Variants in RAB10 observed in about 807,000 individuals in gnomAD.
RAB10 encodes ras-related protein Rab-10.
In RAB10, 5 loss-of-function variants were observed where a neutral mutation model predicts 25.7. The observed-to-expected ratio is 0.19, with a 90% confidence interval of 0.10 to 0.41. The LOEUF (loss-of-function observed/expected upper bound fraction) is 0.41, where lower values mean the gene tolerates loss of function less well. Among genes scored for constraint, RAB10 ranks in the 10% least tolerant of loss-of-function variants. RAB10 has a pLI of 1.00. For missense variants in RAB10, 103 were observed against 245.8 expected, an observed-to-expected ratio of 0.42 and a Z score of 3.89; for synonymous variants, 89 against 86.4, an observed-to-expected ratio of 1.03 and a Z score of -0.16.
At chr2:26,061,943 T>A (rs957940833) in intron 1 of RAB10, among the ~76,000 whole-genome samples, 1 of 152,040 alleles carries the variant, frequency 6.6e-6, no homozygotes, top group African/African-American at 2.4e-5. Flanking sequence ...AGGCTAAACA[T>A]CATATGCTTT....
Position 26,034,239 on chromosome 2 carries a change from GGA to G in RAB10, c.-363_-362del, listed in dbSNP as rs745876590. ...CGTGCTAGCAGGGAGTTTCCGCTCG[GGA>G]GAGAGACTGTCCTCACGCCCGCTGC... On this transcript the variant is annotated 5_prime_UTR_variant, in exon 1 of 6. Coordinates refer to ENST00000264710, the MANE Select transcript of RAB10 (RefSeq NM_016131.5). 190 of 468,692 alleles carry G rather than the reference GGA, an allele frequency of 4.1e-4. No individual in the cohort carries two copies. The highest frequency in any genetic ancestry group is 6.6e-4 in the Non-Finnish European group (175 of 264,078). The allele number at this position is 468,692 out of a possible 1,614,324, so 29.0% of individuals were successfully genotyped here.
chr2:26,075,535 G>T (rs929191585), intron 1 of RAB10, among the ~76,000 whole-genome samples: 2 of 151,972 alleles, frequency 1.3e-5, no homozygotes, highest in African/African-American at 4.8e-5. Flanking sequence ...TTGCTTGAAA[G>T]GTTTTACAAA....
At chr2:26,081,996 A>G (rs1042456495) in intron 1 of RAB10, among the ~76,000 whole-genome samples, 5 of 152,190 alleles carry the variant, frequency 3.3e-5, no homozygotes, top group Non-Finnish European at 7.4e-5. Flanking sequence ...CGAAACTTAC[A>G]CAAAAGGAAT....
chr2:26,129,979 A>T (rs1442271018), intron 5 of RAB10, among the ~76,000 whole-genome samples: 1 of 152,202 alleles, frequency 6.6e-6, no homozygotes, highest in Non-Finnish European at 1.5e-5. Flanking sequence ...ACGCAGATAC[A>T]TTTTGTTATT....
At chr2:26,084,495 T>TATGTTTTGGTACATGGTACACC (rs909777471) in intron 1 of RAB10, among the ~76,000 whole-genome samples, 3 of 152,208 alleles carry the variant, frequency 2.0e-5, no homozygotes, top group East Asian at 1.9e-4. Context: ...CCTAGTGTAT[T>TATGTTTTGGTACATGGTACACC]ATGTTTTGGT....
intron 1 of RAB10, among the ~76,000 whole-genome samples, chr2:26,093,656 G>A (rs1352300628): frequency 6.6e-6 from 1 of 152,136 alleles, no homozygotes; most frequent in Non-Finnish European, 1.5e-5. Context: ...ATGAGGAGAG[G>A]ATTTACGAAG....
At chr2:26,081,219 C>T (rs755838174) in intron 1 of RAB10, among the ~76,000 whole-genome samples, 7 of 152,172 alleles carry the variant, frequency 4.6e-5, no homozygotes, top group Non-Finnish European at 1.0e-4. Flanking sequence ...GTCCATTAAA[C>T]CTCTTTCAAT....
At chr2:26,053,260 T>G (rs1321797052) in intron 1 of RAB10, among the ~76,000 whole-genome samples, 2 of 152,210 alleles carry the variant, frequency 1.3e-5, no homozygotes, top group Non-Finnish European at 2.9e-5. Flanking sequence ...AATAATGAGA[T>G]TTTTGTTCTT....
intron 1 of RAB10, among the ~76,000 whole-genome samples, chr2:26,083,157 A>G (rs1266805931): frequency 7.2e-5 from 11 of 152,178 alleles, no homozygotes; most frequent in Admixed American, 7.2e-4. Flanking sequence ...ATAAAGAACA[A>G]CAGTATATTA....
At chr2:26,068,719 C>T (rs1168124920) in intron 1 of RAB10, among the ~76,000 whole-genome samples, 1 of 152,178 alleles carries the variant, frequency 6.6e-6, no homozygotes, top group Non-Finnish European at 1.5e-5. Context: ...GTGTGCTTAA[C>T]TTTAATTGTG....
chr2:26,047,972 G>A (rs914284279), intron 1 of RAB10, among the ~76,000 whole-genome samples: 10 of 149,662 alleles, frequency 6.7e-5, no homozygotes, highest in Non-Finnish European at 1.3e-4. Flanking sequence ...GTGATCTGCC[G>A]GCCTCGGCCT....
At chr2:26,121,771 G>T (rs1213053133) in intron 3 of RAB10, among the ~76,000 whole-genome samples, 2 of 152,158 alleles carry the variant, frequency 1.3e-5, no homozygotes, top group African/African-American at 4.8e-5. Flanking sequence ...TAACAGAGAT[G>T]CAGTATTAAA....
chr2:26,121,350 T>C (rs890875523), intron 3 of RAB10, among the ~76,000 whole-genome samples: 3 of 151,960 alleles, frequency 2.0e-5, no homozygotes, highest in African/African-American at 7.3e-5. Flanking sequence ...CACTTACACA[T>C]GGATATTTTT....
intron 1 of RAB10, among the ~76,000 whole-genome samples, chr2:26,088,066 G>A (rs190990316): frequency 6.6e-6 from 1 of 152,280 alleles, no homozygotes; most frequent in Admixed American, 6.5e-5. Flanking sequence ...CCAGGTAGGT[G>A]GAAAACACTT....
chr2:26,117,628 A>C (rs1015814523), intron 3 of RAB10, among the ~76,000 whole-genome samples: 17 of 146,676 alleles, frequency 1.2e-4, no homozygotes, highest in African/African-American at 3.3e-4. Context: ...TCAAAAAAAA[A>C]AAAAAAACAA....
intron 1 of RAB10, among the ~76,000 whole-genome samples, chr2:26,095,376 G>C (rs1403128488): frequency 6.6e-6 from 1 of 152,168 alleles, no homozygotes; most frequent in Non-Finnish European, 1.5e-5. Context: ...AGGAGGCCAA[G>C]GTGGGCGGAT....
intron 1 of RAB10, among the ~76,000 whole-genome samples, chr2:26,076,352 G>A (rs1339328008): frequency 6.6e-6 from 1 of 152,154 alleles, no homozygotes; most frequent in Non-Finnish European, 1.5e-5. Flanking sequence ...TGAATCTACT[G>A]TTGACATTAA....
Position 26,089,679 on chromosome 2 carries a change from A to G in RAB10, c.128-8983A>G, listed in dbSNP as rs919360877. On this transcript the variant is annotated intron_variant, in intron 1 of 5. Transcript: ENST00000264710. ...GCTTTTTCTTCTGTTATTCAACTCC[A>G]TATTCTCTAGTCATATGTTTCTAAA... Among the ~76,000 whole-genome samples, 5 of 152,040 alleles carry G rather than the reference A, an allele frequency of 3.3e-5. No individual in the cohort carries two copies. In the South Asian group the frequency reaches 8.3e-4, roughly 25 times the overall value.
chr2:26,074,610 G>T (rs1254237078), intron 1 of RAB10, among the ~76,000 whole-genome samples: 1 of 152,096 alleles, frequency 6.6e-6, no homozygotes, highest in Non-Finnish European at 1.5e-5. Flanking sequence ...GTAGAGATGG[G>T]GTTTTACCAT....
Sources: gnomAD v4.1 joint callset for allele counts (sites outside exome capture counted in the v4.1 genomes callset) on GRCh38, gnomAD v4.1.1 for gene constraint, MANE v1.5 for transcripts, NCBI Gene and HGNC (gene_info 2026-07-23, HGNC 2026-07-21) for gene names.